ADAMTSL3: variants seen among roughly 807,000 people sequenced by gnomAD.
ADAMTSL3 encodes the protein ADAMTS like 3.
In ADAMTSL3, 128 loss-of-function variants were observed where a neutral mutation model predicts 201.7. The ratio of observed to expected loss-of-function variants is 0.63; its 90% confidence interval spans 0.55 to 0.73. The LOEUF (loss-of-function observed/expected upper bound fraction) is 0.73. ADAMTSL3 is among the 30% of genes least tolerant of loss of function. The probability of loss-of-function intolerance (pLI) is 0.00; values close to 1 mark genes in which losing one functional copy is unlikely to be tolerated. For synonymous variants in ADAMTSL3, 738 were observed against 748.4 expected (o/e 0.99, Z 0.23); for missense variants, 1,990 against 2,119.6 (o/e 0.94, Z 1.20).
chr15:83,693,693 A>G (rs888009060), intron 2 of ADAMTSL3, among the ~76,000 whole-genome samples: 9 of 152,202 alleles, frequency 5.9e-5, no homozygotes, highest in Non-Finnish European at 8.8e-5. Context: ...TCCTTTTCCC[A>G]TATGACATAG....
At chr15:83,684,718 GT>G (rs1395342758) in intron 2 of ADAMTSL3, among the ~76,000 whole-genome samples, 1 of 152,036 alleles carries the variant, frequency 6.6e-6, no homozygotes, top group African/African-American at 2.4e-5. Flanking sequence ...TATTTTCACT[GT>G]TGTGTAGTAT....
intron 23 of ADAMTSL3, among the ~76,000 whole-genome samples, chr15:84,013,336 A>G (rs772765336): frequency 2.0e-4 from 31 of 152,218 alleles, no homozygotes; most frequent in Non-Finnish European, 2.2e-4. Flanking sequence ...TGCCTACTGT[A>G]AGGTGTGTTG....
intron 17 of ADAMTSL3, among the ~76,000 whole-genome samples, chr15:83,935,451 A>G (rs1200204267): frequency 1.3e-5 from 2 of 152,150 alleles, no homozygotes; most frequent in Admixed American, 1.3e-4. Context: ...TCTAAAAAGA[A>G]GAAAGAGACT....
At chr15:83,867,719 A>T (rs1283658023) in intron 8 of ADAMTSL3, among the ~76,000 whole-genome samples, 1 of 152,214 alleles carries the variant, frequency 6.6e-6, no homozygotes, top group African/African-American at 2.4e-5. Flanking sequence ...CTAAACACTC[A>T]TTCCACATTT....
intron 2 of ADAMTSL3, among the ~76,000 whole-genome samples, chr15:83,700,029 GGAACCT>G (rs1274886142): frequency 6.6e-6 from 1 of 152,074 alleles, no homozygotes; most frequent in Non-Finnish European, 1.5e-5. Flanking sequence ...CATGAAAATA[GGAACCT>G]GATCTTTTTT....
chr15:83,756,488 C>T (rs1287616150), intron 3 of ADAMTSL3, among the ~76,000 whole-genome samples: 2 of 152,074 alleles, frequency 1.3e-5, no homozygotes, highest in South Asian at 2.1e-4. Context: ...AAAGACTCGC[C>T]CTCATGATTA....
chr15:83,776,563 C>G (rs888022377), intron 4 of ADAMTSL3, among the ~76,000 whole-genome samples: 1 of 152,068 alleles, frequency 6.6e-6, no homozygotes, highest in Non-Finnish European at 1.5e-5. Flanking sequence ...ACTAAAAATA[C>G]AAAATTAGCT....
intron 19 of ADAMTSL3, among the ~76,000 whole-genome samples, chr15:83,965,285 G>A (rs1285726149): frequency 6.8e-6 from 1 of 147,402 alleles, no homozygotes; most frequent in African/African-American, 2.5e-5. Context: ...CCCATCTCAT[G>A]TGCAAAGACA....
At chr15:83,769,446 G>A (rs911547833) in intron 3 of ADAMTSL3, among the ~76,000 whole-genome samples, 14 of 152,226 alleles carry the variant, frequency 9.2e-5, no homozygotes, top group African/African-American at 3.4e-4. Flanking sequence ...ACAGGGCACA[G>A]TTATGTTTGG....
chr15:83,810,982 G>T (rs145128164), intron 5 of ADAMTSL3, among the ~76,000 whole-genome samples: 4 of 151,946 alleles, frequency 2.6e-5, no homozygotes, highest in Non-Finnish European at 5.9e-5. Flanking sequence ...CAAGTGATCC[G>T]CCCACTTCGG....
intron 4 of ADAMTSL3, among the ~76,000 whole-genome samples, chr15:83,803,174 G>A (rs866827064): frequency 3.9e-5 from 6 of 152,246 alleles, no homozygotes; most frequent in Middle Eastern, 6.8e-3. Flanking sequence ...AGGATTAAAT[G>A]ACAAAAGAAT....
At chr15:83,820,213 C>T (rs2063839798) in intron 6 of ADAMTSL3, among the ~76,000 whole-genome samples, 166 bp downstream of exon 6, 1 of 152,032 alleles carries the variant, frequency 6.6e-6, no homozygotes, top group Non-Finnish European at 1.5e-5. Context: ...TTTTATACAG[C>T]AAATACAAAT....
chr15:83,859,450 A>G (rs2064810022), intron 8 of ADAMTSL3, among the ~76,000 whole-genome samples: 1 of 152,190 alleles, frequency 6.6e-6, no homozygotes, highest in African/African-American at 2.4e-5. Context: ...CGGTGGATCC[A>G]TTTGGTAGGG....
chr15:83,846,689 G>A (rs373458502), intron 7 of ADAMTSL3, among the ~76,000 whole-genome samples: 5 of 152,206 alleles, frequency 3.3e-5, no homozygotes, highest in African/African-American at 1.2e-4. Context: ...CTGGGCAATT[G>A]CAGGTTGCCA....
chr15:84,027,371 G>C (rs2068329524), intron 27 of ADAMTSL3, among the ~76,000 whole-genome samples: 1 of 152,136 alleles, frequency 6.6e-6, no homozygotes, highest in Admixed American at 6.5e-5. Context: ...TCCACCCCTA[G>C]GTATGTATCC....
chr15:83,740,803 G>A (rs552168309), intron 3 of ADAMTSL3, among the ~76,000 whole-genome samples: 1 of 152,110 alleles, frequency 6.6e-6, no homozygotes, highest in Non-Finnish European at 1.5e-5. Context: ...GATATAGAAA[G>A]GATTATAAAT....
intron 6 of ADAMTSL3, among the ~76,000 whole-genome samples, chr15:83,830,592 G>C (rs145512099): frequency 6.6e-6 from 1 of 152,252 alleles, no homozygotes; most frequent in Admixed American, 6.5e-5. Flanking sequence ...TGTTGGAGTA[G>C]GCACTGGCAG....
intron 3 of ADAMTSL3, among the ~76,000 whole-genome samples, chr15:83,728,330 T>C (rs1295473747): frequency 2.0e-5 from 3 of 151,864 alleles, no homozygotes; most frequent in African/African-American, 7.2e-5. Context: ...TGTCTTTTGA[T>C]TGGAGAGTTT....
intron 10 of ADAMTSL3, among the ~76,000 whole-genome samples, chr15:83,885,441 CAAA>C (rs1319354132): frequency 2.3e-5 from 3 of 129,042 alleles, no homozygotes. Context: ...TACTTTTAGC[CAAA>C]AAAAAAAAAC....
Sources: gnomAD v4.1 joint callset for allele counts (sites outside exome capture counted in the v4.1 genomes callset) on GRCh38, gnomAD v4.1.1 for gene constraint, MANE v1.5 for transcripts, NCBI Gene and HGNC (gene_info 2026-07-23, HGNC 2026-07-21) for gene names.